KCNQ1: variants seen among roughly 807,000 people sequenced by gnomAD.
The protein encoded by KCNQ1 is potassium voltage-gated channel subfamily Q member 1, also known as potassium voltage-gated channel subfamily KQT member 1.
KCNQ1 carries 49 observed loss-of-function variants against 72.4 expected under a neutral mutation model. The ratio of observed to expected loss-of-function variants is 0.68; its 90% confidence interval spans 0.54 to 0.86. The LOEUF (loss-of-function observed/expected upper bound fraction) is 0.86, where lower values mean the gene tolerates loss of function less well. Among genes scored for constraint, KCNQ1 ranks in the 40% least tolerant of loss-of-function variants. The probability of loss-of-function intolerance (pLI) is 0.00; values close to 1 mark genes in which losing one functional copy is unlikely to be tolerated. For missense variants in KCNQ1, 790 were observed against 945.1 expected (o/e 0.84, Z 2.15); for synonymous variants, 450 against 412.6 (o/e 1.09, Z -1.10).
chr11:2,758,118 A>T (rs1040800303), intron 11 of KCNQ1, among the ~76,000 whole-genome samples: 2 of 152,228 alleles, frequency 1.3e-5, no homozygotes, highest in African/African-American at 4.8e-5. Context: ...TGAAGGGGAT[A>T]AAAATGCAAA....
chr11:2,510,185 A>G (rs547310038), intron 1 of KCNQ1, among the ~76,000 whole-genome samples: 1 of 152,044 alleles, frequency 6.6e-6, no homozygotes, highest in Non-Finnish European at 1.5e-5. Flanking sequence ...AGGCTGAGGT[A>G]GGAGCATCAC....
Position 2,828,342 on chromosome 11 carries a change from C to T in KCNQ1, c.1795-19425C>T, listed in dbSNP as rs373482196. Among the ~76,000 whole-genome samples, 5 of 152,298 alleles carry T rather than the reference C, an allele frequency of 3.3e-5. No homozygotes were observed. The South Asian group carries it at 1.0e-3, about 32-fold the overall frequency. ...GGTAAACACATGTCTATTTCAGCTT[C>T]TTTGAATCCCACTAAGGTGACAGTA... On this transcript the variant is annotated intron_variant, in intron 15 of 15. Transcript: ENST00000155840. This position sits in a 1 kb window ranked among gnomAD's most constrained non-coding sequence, Gnocchi z 5.3.
In KCNQ1 at chr11:2,691,189, A is replaced by C; in HGVS notation, c.1514+29108A>C. On this transcript the variant is annotated intron_variant, in intron 11 of 15. Transcript: ENST00000155840. The surrounding 1 kb of genome is among the most constrained non-coding windows in gnomAD (Gnocchi z 6.4). ...GCCTTGGGAGGGGTGCTCAGAGCTC[A>C]GCTGTGTTTAAAAATTAGCAAGTGG... 1 of 398,676 alleles carries C rather than the reference A, an allele frequency of 2.5e-6. No homozygotes were observed. The allele number at this position is 398,676 out of a possible 1,614,324, so 24.7% of individuals were successfully genotyped here.
intron 6 of KCNQ1, among the ~76,000 whole-genome samples, chr11:2,577,771 G>A (rs998596291): frequency 6.6e-6 from 1 of 152,120 alleles, no homozygotes; most frequent in Non-Finnish European, 1.5e-5. Flanking sequence ...CGGCCCCACG[G>A]GGGCTGGGCG....
At chr11:2,751,623 G>T (rs892259437) in intron 11 of KCNQ1, among the ~76,000 whole-genome samples, 1 of 152,270 alleles carries the variant, frequency 6.6e-6, no homozygotes, top group African/African-American at 2.4e-5. Flanking sequence ...GGCGACCCTC[G>T]TCTGACAGGC....
In KCNQ1 at chr11:2,782,491, C is replaced by A. The variant is rs1846840341; in HGVS notation, c.1794+4454C>A. On this transcript the variant is annotated intron_variant, in intron 15 of 15. Transcript: ENST00000155840. This position sits in a 1 kb window ranked among gnomAD's most constrained non-coding sequence, Gnocchi z 6.1. ...TAACTTAAGAAGTGTTCCCTCTTTT[C>A]CTATATTGGGATATTTTGTATAAGA... Among the ~76,000 whole-genome samples the A allele has an allele frequency of 6.6e-6, 1 of 152,142 alleles. No homozygotes were observed. Among genetic ancestry groups the A allele is most frequent in the Non-Finnish European group, 1.5e-5 (1 of 68,034 alleles).
chr11:2,737,670 C>A (rs2133948413), intron 11 of KCNQ1, among the ~76,000 whole-genome samples: 1 of 152,324 alleles, frequency 6.6e-6, no homozygotes, highest in East Asian at 1.9e-4. Flanking sequence ...GCTGACTCGG[C>A]CCTCGCAGAC....
chr11:2,805,210 C>T (rs1275162223), intron 15 of KCNQ1, among the ~76,000 whole-genome samples: 4 of 152,164 alleles, frequency 2.6e-5, no homozygotes, highest in East Asian at 1.9e-4. Context: ...GTTCACAGGC[C>T]GCTGGGGACC....
At chr11:2,574,611 A>G (rs1848392750) in intron 6 of KCNQ1, among the ~76,000 whole-genome samples, 3 of 152,166 alleles carry the variant, frequency 2.0e-5, no homozygotes, top group Admixed American at 2.0e-4. Flanking sequence ...GGGTGGGGTG[A>G]GAAGCCTCCC....
At chr11:2,777,608 T>TA (rs1846732075) in intron 14 of KCNQ1, 2 of 412,776 alleles carry the variant, frequency 4.8e-6, no homozygotes, top group Admixed American at 1.4e-4. Flanking sequence ...TGGGCTGGTG[T>TA]AACGGAGCAG....
At chr11:2,474,138 C>T (rs1340789711) in intron 1 of KCNQ1, among the ~76,000 whole-genome samples, 1 of 152,096 alleles carries the variant, frequency 6.6e-6, no homozygotes, top group African/African-American at 2.4e-5. Flanking sequence ...ACTGAGGGCT[C>T]ACCATGGGGC....
chr11:2,593,183 G>C lies in KCNQ1; in HGVS notation c.1393+4329G>C, dbSNP rs558588781. Among the ~76,000 whole-genome samples the C allele has an allele frequency of 1.3e-5, 2 of 152,334 alleles. No individual in the cohort carries two copies. The highest frequency in any genetic ancestry group is 2.1e-4 in the South Asian group (1 of 4,828). On this transcript the variant is annotated intron_variant, in intron 10 of 15. Transcript: ENST00000155840. The surrounding 1 kb of genome is among the most constrained non-coding windows in gnomAD (Gnocchi z 6.9). ...TGCAGGGCTGTGCCACCAGGGTTTTGTCTTGACAAAGGGACTGGAGGCAGG... is the reference window on the plus strand; with the variant it reads ...TGCAGGGCTGTGCCACCAGGGTTTTCTCTTGACAAAGGGACTGGAGGCAGG...
rs149881492 is a variant in KCNQ1, at chr11:2,750,268, C to G, written c.1515-18576C>G. Among the ~76,000 whole-genome samples, 110 of 152,318 alleles carry G rather than the reference C, an allele frequency of 7.2e-4. 3 individuals are homozygous for G. The East Asian group carries it at 0.017, about 24-fold the overall frequency. On this transcript the variant is annotated intron_variant, in intron 11 of 15. Transcript: ENST00000155840. The surrounding 1 kb of genome is among the most constrained non-coding windows in gnomAD (Gnocchi z 6.3). ...CGGAGGCTGAAACAGGACGACAGAGCCCTCAGCCCAGGGCGGAGGACATGG... is the reference window on the plus strand; with the variant it reads ...CGGAGGCTGAAACAGGACGACAGAGGCCTCAGCCCAGGGCGGAGGACATGG...
Position 2,677,209 on chromosome 11 carries a change from C to T in KCNQ1, c.1514+15128C>T, listed in dbSNP as rs914880646. 1.0e-5 allele frequency: 4 copies of T among 398,478 alleles called. No homozygotes were observed. The highest frequency in any genetic ancestry group is 8.2e-5 in the African/African-American group (4 of 48,622). 24.7% of individuals were successfully genotyped at this position (398,478 alleles called of 1,614,324 possible). ...TCTGCTGACTGACCTCTTTGGCTGT[C>T]TCTTGTCAACCAAAGACAATATAAA... is the stretch of plus-strand genomic sequence containing the variant. On this transcript the variant is annotated intron_variant, in intron 11 of 15. Transcript: ENST00000155840. This position sits in a 1 kb window ranked among gnomAD's most constrained non-coding sequence, Gnocchi z 4.5.
intron 14 of KCNQ1, chr11:2,777,441 T>C: frequency 1.9e-6 from 1 of 530,322 alleles, no homozygotes; most frequent in Non-Finnish European, 3.3e-6. Context: ...CAGAAGCACC[T>C]GGCTGCAGCC....
chr11:2,621,976 C>T lies in KCNQ1; in HGVS notation c.1393+33122C>T. On this transcript the variant is annotated intron_variant, in intron 10 of 15. Coordinates refer to ENST00000155840, the MANE Select transcript of KCNQ1 (RefSeq NM_000218.3). This position sits in a 1 kb window ranked among gnomAD's most constrained non-coding sequence, Gnocchi z 5.7. Reference sequence around the variant, plus strand: ...TACAATTTTGGGCTATTTGAAATATCTCTTCTTTTTTAATGTAGGCAAGGC... The same window carrying T: ...TACAATTTTGGGCTATTTGAAATATTTCTTCTTTTTTAATGTAGGCAAGGC... The T allele has an allele frequency of 5.0e-6, 2 of 398,142 alleles. No homozygotes were observed. Among genetic ancestry groups the T allele is most frequent in the Non-Finnish European group, 8.9e-6 (2 of 225,898 alleles). The allele number at this position is 398,142 out of a possible 1,614,324, so 24.7% of individuals were successfully genotyped here.
chr11:2,586,356 T>C (rs1848592416), intron 8 of KCNQ1, among the ~76,000 whole-genome samples: 2 of 152,208 alleles, frequency 1.3e-5, no homozygotes, highest in South Asian at 2.1e-4. Context: ...CTCCCACCCT[T>C]AGCCTGGTTT....
intron 12 of KCNQ1, among the ~76,000 whole-genome samples, chr11:2,773,236 G>T (rs763073944): frequency 1.2e-4 from 18 of 151,980 alleles, no homozygotes; most frequent in Non-Finnish European, 2.1e-4. Context: ...TCTTATAGAA[G>T]AGAGAGGCAG....
At chr11:2,756,981 A>C (rs10766335) in intron 11 of KCNQ1, among the ~76,000 whole-genome samples, 37,898 of 114,862 alleles carry the variant, frequency 0.33, 6,992 homozygotes, top group African/African-American at 0.4. Context: ...AAAAAAAAAA[A>C]CCCACAGCTA....
Sources: allele counts gnomAD v4.1 joint callset (sites outside exome capture counted in the v4.1 genomes callset), GRCh38; gene constraint gnomAD v4.1.1; non-coding constraint Gnocchi (gnomAD v3.1); transcripts MANE v1.5; gene names NCBI Gene and HGNC (gene_info 2026-07-23, HGNC 2026-07-21).